SPOCK1: variants seen among roughly 807,000 people sequenced by gnomAD.
SPOCK1 encodes testican-1.
In SPOCK1, 23 loss-of-function variants were observed where a neutral mutation model predicts 55.3. The ratio of observed to expected loss-of-function variants is 0.42; its 90% confidence interval spans 0.30 to 0.59. SPOCK1 has a LOEUF of 0.59. SPOCK1 is among the 20% of genes least tolerant of loss of function. SPOCK1 has a pLI of 0.22. For missense variants in SPOCK1, 499 were observed against 552.5 expected (o/e 0.90, Z 0.97); for synonymous variants, 226 against 221.0 (o/e 1.02, Z -0.20).
chr5:137,207,990 A>G (rs1384889703), intron 3 of SPOCK1, among the ~76,000 whole-genome samples: 1 of 152,066 alleles, frequency 6.6e-6, no homozygotes, highest in Non-Finnish European at 1.5e-5. Context: ...CTAAACATAC[A>G]ATCCCCAGCA....
At chr5:137,303,061 G>A (rs1437438061) in intron 2 of SPOCK1, among the ~76,000 whole-genome samples, 1 of 152,178 alleles carries the variant, frequency 6.6e-6, no homozygotes, top group East Asian at 1.9e-4. Context: ...CACAGCTAGT[G>A]AGGAGTGCAA....
chr5:137,240,231 A>G (rs1289454904), intron 3 of SPOCK1, among the ~76,000 whole-genome samples: 2 of 152,212 alleles, frequency 1.3e-5, no homozygotes, highest in Non-Finnish European at 2.9e-5. Flanking sequence ...CTATAAAGAA[A>G]TATCTGAGAC....
At chr5:137,166,329 C>G (rs1754647393) in intron 3 of SPOCK1, among the ~76,000 whole-genome samples, 1 of 151,654 alleles carries the variant, frequency 6.6e-6, no homozygotes, top group South Asian at 2.1e-4. Flanking sequence ...AACTATCCTT[C>G]AAATACAAAA....
intron 2 of SPOCK1, among the ~76,000 whole-genome samples, chr5:137,348,076 T>C (rs540660489): frequency 6.6e-6 from 1 of 152,308 alleles, no homozygotes; most frequent in South Asian, 2.1e-4. Flanking sequence ...GACTGGACTT[T>C]GCTGCCCAGA....
chr5:137,262,142 C>A (rs1580835610), intron 3 of SPOCK1, among the ~76,000 whole-genome samples: 1 of 152,300 alleles, frequency 6.6e-6, no homozygotes, highest in East Asian at 1.9e-4. Flanking sequence ...ATCCCCTATT[C>A]AATGAATCCC....
chr5:137,471,584 T>C (rs1341292978), intron 2 of SPOCK1, among the ~76,000 whole-genome samples: 1 of 152,190 alleles, frequency 6.6e-6, no homozygotes, highest in East Asian at 1.9e-4. Context: ...TCTGCCATAG[T>C]GTGGCTAACA....
chr5:137,337,725 CAGAG>C (rs1750313841), intron 2 of SPOCK1, among the ~76,000 whole-genome samples: 1 of 152,250 alleles, frequency 6.6e-6, no homozygotes, highest in African/African-American at 2.4e-5. Context: ...CACATACACA[CAGAG>C]AGAATTCAGT....
intron 3 of SPOCK1, among the ~76,000 whole-genome samples, chr5:137,195,555 G>T (rs1045770443): frequency 6.6e-6 from 1 of 152,238 alleles, no homozygotes; most frequent in Non-Finnish European, 1.5e-5. Context: ...GTGGATGAAG[G>T]ATGGGGCTTA....
chr5:137,164,921 G>C (rs906995817), intron 3 of SPOCK1, among the ~76,000 whole-genome samples: 1 of 152,170 alleles, frequency 6.6e-6, no homozygotes, highest in Non-Finnish European at 1.5e-5. Context: ...CTAGGTAAAT[G>C]TCTAAGGTTT....
chr5:137,203,623 T>A (rs1469005949), intron 3 of SPOCK1, among the ~76,000 whole-genome samples: 1 of 152,204 alleles, frequency 6.6e-6, no homozygotes, highest in Admixed American at 6.5e-5. Context: ...TAATGTGTGC[T>A]TTAGCTAAAT....
At chr5:137,361,848 A>G (rs1417363857) in intron 2 of SPOCK1, among the ~76,000 whole-genome samples, 2 of 152,214 alleles carry the variant, frequency 1.3e-5, no homozygotes, top group Admixed American at 1.3e-4. Flanking sequence ...TCGGGAAAGA[A>G]GTCAAGACTC....
chr5:137,472,597 A>G (rs1753758511), intron 2 of SPOCK1, among the ~76,000 whole-genome samples: 2 of 152,218 alleles, frequency 1.3e-5, no homozygotes. Flanking sequence ...GACCAAACAA[A>G]TTCGTTTCTG....
At chr5:137,433,944 A>C (rs753571371) in intron 2 of SPOCK1, among the ~76,000 whole-genome samples, 1 of 152,264 alleles carries the variant, frequency 6.6e-6, no homozygotes, top group Non-Finnish European at 1.5e-5. Context: ...TCAAAGTTCT[A>C]ATCACTATAA....
At chr5:137,359,139 C>A (rs1036941766) in intron 2 of SPOCK1, among the ~76,000 whole-genome samples, 1 of 152,198 alleles carries the variant, frequency 6.6e-6, no homozygotes, top group African/African-American at 2.4e-5. Flanking sequence ...AGTAAGAATT[C>A]TCCCTCTAAC....
chr5:136,980,037 G>A (rs1303430893), intron 9 of SPOCK1, among the ~76,000 whole-genome samples: 1 of 152,114 alleles, frequency 6.6e-6, no homozygotes, highest in Non-Finnish European at 1.5e-5. Context: ...TGGATCATAT[G>A]GTTCCAAGCT....
intron 2 of SPOCK1, among the ~76,000 whole-genome samples, chr5:137,349,687 T>C (rs1172360107): frequency 6.6e-6 from 1 of 152,352 alleles, no homozygotes; most frequent in East Asian, 1.9e-4. Context: ...TGCTCATCTT[T>C]GGCATTCCTT....
rs1272283524 is a variant in SPOCK1 at position 137,267,029 on chromosome 5, G to T, written c.213C>A (p.Pro71=). ...CATTACCTTGGTCAAAGGGCTTGTT[G>T]GGATTCCAGTTTCTGAAATAATCAT... ...RDDDYFRNWN[P]NKPFDQALDP... The change falls in exon 3 of 11, where the codon CCC becomes CCA. Residue 71 remains proline (P), a synonymous_variant. Coordinates refer to ENST00000394945, the MANE Select transcript of SPOCK1 (RefSeq NM_004598.4). 6 of 1,612,928 alleles carry T rather than the reference G, an allele frequency of 3.7e-6. No individual in the cohort carries two copies. Among genetic ancestry groups the T allele is most frequent in the Non-Finnish European group, 4.2e-6 (5 of 1,179,056 alleles).
rs181593352 is a variant in SPOCK1, at chr5:137,401,539, T to G, written c.186+96834A>C. ...GAGTTTGAGACCAGCCTGGGCAATA[T>G]AGCAAGACCTCATCTCTACAAAAAA... On this transcript the variant is annotated intron_variant, in intron 2 of 10. Transcript: ENST00000394945. Among the ~76,000 whole-genome samples, 88 of 109,786 alleles carry G rather than the reference T, an allele frequency of 8.0e-4. No homozygotes were observed. The East Asian group carries it at 0.021, about 26-fold the overall frequency. The allele number at this position is 109,786 out of a possible 152,430, so 72.0% of individuals were successfully genotyped here.
intron 2 of SPOCK1, among the ~76,000 whole-genome samples, chr5:137,315,987 T>C (rs1757874066): frequency 1.3e-5 from 2 of 152,174 alleles, no homozygotes; most frequent in Admixed American, 1.3e-4. Context: ...GAGCCGCTAG[T>C]TGTTGAAGGC....
Sources: allele counts gnomAD v4.1 joint callset (sites outside exome capture counted in the v4.1 genomes callset), GRCh38; gene constraint gnomAD v4.1.1; transcripts MANE v1.5; gene names NCBI Gene and HGNC (gene_info 2026-07-23, HGNC 2026-07-21).